Variants in NELL1 observed in about 807,000 individuals in gnomAD.
The protein encoded by NELL1 is protein kinase C-binding protein NELL1.
Under a neutral mutation model 107.4 loss-of-function variants are expected in NELL1, and 76 were observed. The ratio of observed to expected loss-of-function variants is 0.71; its 90% CI spans 0.59 to 0.86. The LOEUF is 0.86. Ranked by LOEUF, NELL1 falls within the 40% of genes least tolerant of loss-of-function variation. The pLI is 0.00. For synonymous variants in NELL1, 353 were observed against 341.2 expected, an observed-to-expected ratio of 1.03 and a Z score of -0.38; for missense variants, 1,024 against 1,005.5, an observed-to-expected ratio of 1.02 and a Z score of -0.25.
At chr11:21,493,248 GAAAAT>G (rs1049791979) in intron 15 of NELL1, among the ~76,000 whole-genome samples, 2 of 151,964 alleles carry the variant, frequency 1.3e-5, no homozygotes, top group Non-Finnish European at 1.5e-5. Flanking sequence ...TTATCCAAAA[GAAAAT>G]AAATCAGGAT....
chr11:20,766,851 T>A (rs1172542963), intron 2 of NELL1, among the ~76,000 whole-genome samples: 1 of 152,032 alleles, frequency 6.6e-6, no homozygotes, highest in East Asian at 1.9e-4. Flanking sequence ...CAAGTGATTC[T>A]CCTGCCTCAG....
In NELL1 at chr11:21,377,648, G is replaced by T. The variant is rs1263859217; in HGVS notation, c.1645+6700G>T. On this transcript the variant is annotated intron_variant, in intron 15 of 19. Transcript: ENST00000357134. Reference sequence around the variant, plus strand: ...GCTCTTTGTATGTCTAGTAGAATTTGACTGTGAATCCATCTGGTCCAGGGC... The same window carrying T: ...GCTCTTTGTATGTCTAGTAGAATTTTACTGTGAATCCATCTGGTCCAGGGC... 3.3e-5 allele frequency among the ~76,000 whole-genome samples: 5 copies of T among 151,464 alleles called. 1 individual carries two copies.
At chr11:21,426,846 C>G (rs1590924496) in intron 15 of NELL1, among the ~76,000 whole-genome samples, 1 of 152,208 alleles carries the variant, frequency 6.6e-6, no homozygotes, top group East Asian at 1.9e-4. Flanking sequence ...AGAGGGGTGT[C>G]AGAAGATCCA....
chr11:21,337,139 A>T (rs1290349677), intron 14 of NELL1, among the ~76,000 whole-genome samples: 1 of 152,104 alleles, frequency 6.6e-6, no homozygotes, highest in East Asian at 1.9e-4. Flanking sequence ...TTAGCTTGAG[A>T]GTACAGAGTG....
At chr11:21,108,565 A>G (rs954143256) in intron 12 of NELL1, among the ~76,000 whole-genome samples, 1 of 152,170 alleles carries the variant, frequency 6.6e-6, no homozygotes, top group African/African-American at 2.4e-5. Flanking sequence ...AAGATGATAT[A>G]TGCTGCAATG....
intron 16 of NELL1, among the ~76,000 whole-genome samples, chr11:21,538,410 A>G (rs527953214): frequency 3.3e-5 from 5 of 152,278 alleles, no homozygotes; most frequent in African/African-American, 1.2e-4. Context: ...GTAACATATG[A>G]TTGAAGAAAT....
At chr11:21,128,263 C>A (rs181204153) in intron 13 of NELL1, among the ~76,000 whole-genome samples, 11 of 152,242 alleles carry the variant, frequency 7.2e-5, no homozygotes, top group Admixed American at 7.2e-4. Flanking sequence ...GTCTTTGCCT[C>A]ATTTATGAGA....
intron 13 of NELL1, among the ~76,000 whole-genome samples, chr11:21,130,258 C>A (rs562539694): frequency 6.6e-6 from 1 of 152,274 alleles, no homozygotes; most frequent in South Asian, 2.1e-4. Context: ...GAATGAAGTG[C>A]ATGGGTTTTA....
chr11:21,281,141 C>T (rs771844313), intron 14 of NELL1, among the ~76,000 whole-genome samples: 4 of 151,790 alleles, frequency 2.6e-5, no homozygotes, highest in Non-Finnish European at 5.9e-5. Context: ...GCACCAGTCA[C>T]AGTCAGAGTC....
At chr11:21,299,989 A>G (rs887855585) in intron 14 of NELL1, among the ~76,000 whole-genome samples, 5 of 151,998 alleles carry the variant, frequency 3.3e-5, no homozygotes, top group African/African-American at 1.2e-4. Context: ...AGAAACCCCG[A>G]CCTCTTGTGA....
intron 12 of NELL1, among the ~76,000 whole-genome samples, chr11:20,987,100 A>G (rs1451725874): frequency 6.6e-6 from 1 of 152,178 alleles, no homozygotes; most frequent in African/African-American, 2.4e-5. Flanking sequence ...TTAATAGATA[A>G]GAAGGAAACC....
At chr11:21,556,553 T>C (rs892958796) in intron 16 of NELL1, among the ~76,000 whole-genome samples, 5 of 151,928 alleles carry the variant, frequency 3.3e-5, no homozygotes, top group African/African-American at 1.2e-4. Context: ...ATTGCTGCTG[T>C]TATAAACATC....
chr11:21,273,942 A>T (rs1030651549), intron 14 of NELL1, among the ~76,000 whole-genome samples: 3 of 152,252 alleles, frequency 2.0e-5, no homozygotes, highest in Admixed American at 2.0e-4. Flanking sequence ...CAGCCACTGC[A>T]AAAACATGCC....
intron 3 of NELL1, among the ~76,000 whole-genome samples, chr11:20,807,126 G>C (rs1020487583): frequency 1.1e-4 from 17 of 151,870 alleles, no homozygotes; most frequent in African/African-American, 3.4e-4. Flanking sequence ...TCAGTTCCTG[G>C]GCATTGAAGG....
intron 2 of NELL1, among the ~76,000 whole-genome samples, chr11:20,725,121 A>G (rs954136006): frequency 6.6e-6 from 1 of 152,212 alleles, no homozygotes; most frequent in East Asian, 1.9e-4. Context: ...GGGTGGGGAC[A>G]CAGAGCCAAA....
intron 13 of NELL1, among the ~76,000 whole-genome samples, chr11:21,132,277 G>T (rs1462005997): frequency 2.0e-5 from 3 of 152,184 alleles, no homozygotes; most frequent in African/African-American, 7.2e-5. Flanking sequence ...ATGTGGGATT[G>T]TCACGGGATC....
chr11:21,303,084 CTATATCTAT>C (rs1401303447), intron 14 of NELL1, among the ~76,000 whole-genome samples: 2 of 149,594 alleles, frequency 1.3e-5, no homozygotes, highest in Non-Finnish European at 3.0e-5. Context: ...ATATCTATAT[CTATATCTAT>C]ATCTATATCT....
At chr11:20,761,411 G>A (rs1856417524) in intron 2 of NELL1, among the ~76,000 whole-genome samples, 1 of 152,182 alleles carries the variant, frequency 6.6e-6, no homozygotes, top group Non-Finnish European at 1.5e-5. Flanking sequence ...TTCAGAAATA[G>A]TTACCAGTGT....
In NELL1 at chr11:21,444,573, T is replaced by C. The variant is rs543064832; in HGVS notation, c.1645+73625T>C. ...CCTGGCTATAAAATAATCCATCTTATTGATTTTTTTAAAACATTTAGTTTT... is the reference window on the plus strand; with the variant it reads ...CCTGGCTATAAAATAATCCATCTTACTGATTTTTTTAAAACATTTAGTTTT... On this transcript the variant is annotated intron_variant, in intron 15 of 19. Transcript: ENST00000357134. Among the ~76,000 whole-genome samples the C allele has an allele frequency of 1.8e-4, 27 of 150,440 alleles. 1 individual carries two copies. The South Asian group carries it at 5.0e-3, about 28-fold the overall frequency.
Sources: allele counts gnomAD v4.1 joint callset (sites outside exome capture counted in the v4.1 genomes callset), GRCh38; gene constraint gnomAD v4.1.1; transcripts MANE v1.5; gene names NCBI Gene and HGNC (gene_info 2026-07-23, HGNC 2026-07-21).